Variants in LAMA2 observed in about 807,000 individuals in gnomAD.
The protein encoded by LAMA2 is laminin subunit alpha-2.
In LAMA2, 269 loss-of-function variants were observed where a neutral mutation model predicts 364.8. The observed-to-expected ratio is 0.74, with a 90% CI of 0.67 to 0.82. The LOEUF is 0.82. Ranked by LOEUF, LAMA2 falls within the 40% of genes least tolerant of loss-of-function variation. The pLI, the probability that LAMA2 is intolerant of heterozygous loss-of-function variation, is 0.00. For synonymous variants in LAMA2, 1,379 were observed against 1,370.6 expected (o/e 1.01, Z -0.14); for missense variants, 3,807 against 3,873.2 (o/e 0.98, Z 0.45).
chr6:128,920,829 T>C (rs901926727), intron 1 of LAMA2, among the ~76,000 whole-genome samples: 5 of 151,904 alleles, frequency 3.3e-5, no homozygotes, highest in African/African-American at 1.2e-4. Flanking sequence ...CTTTTTATGT[T>C]GAGAAAGGGA....
At chr6:129,367,883 C>T (rs567397309) in intron 33 of LAMA2, among the ~76,000 whole-genome samples, 2 of 152,320 alleles carry the variant, frequency 1.3e-5, no homozygotes, top group South Asian at 4.1e-4. Flanking sequence ...AAGTCTGTCA[C>T]AGTCCATTGG....
chr6:129,250,035 G>A (rs146612173), intron 12 of LAMA2, 77 bp from the exon 13 acceptor site: 111 of 894,170 alleles, frequency 1.2e-4, no homozygotes, highest in Admixed American at 8.9e-4. Flanking sequence ...AATAAAATTC[G>A]TATACAACAG....
At position 129,492,305 on chromosome 6, in the gene LAMA2, A is replaced by G. The variant is rs1784910721; in HGVS notation, c.8076-10A>G. On this transcript the variant is annotated splice_polypyrimidine_tract_variant and intron_variant, in intron 57 of 64. Transcript: ENST00000421865. Reference sequence around the variant, plus strand: ...AAAATAAAAAAATCTTATTTATTACATTCTATTAGCCCCATGGACTTTGCA... The same window carrying G: ...AAAATAAAAAAATCTTATTTATTACGTTCTATTAGCCCCATGGACTTTGCA... 1.9e-6 allele frequency: 3 copies of G among 1,612,846 alleles called. No homozygotes were observed. Among genetic ancestry groups the G allele is most frequent in the Admixed American group, 3.3e-5 (2 of 59,984 alleles).
intron 1 of LAMA2, among the ~76,000 whole-genome samples, chr6:128,912,925 G>A (rs1280427410): frequency 1.3e-5 from 2 of 152,166 alleles, no homozygotes; most frequent in African/African-American, 4.8e-5. Context: ...TCAGGAGGAG[G>A]GAATGGTGGG....
intron 12 of LAMA2, among the ~76,000 whole-genome samples, chr6:129,243,697 G>A (rs147387610): frequency 1.2e-3 from 188 of 151,820 alleles, no homozygotes; most frequent in African/African-American, 4.3e-3. Context: ...TATCTTATCA[G>A]GTTAAACTGA....
At chr6:128,905,926 T>A (rs1777432396) in intron 1 of LAMA2, among the ~76,000 whole-genome samples, 2 of 152,042 alleles carry the variant, frequency 1.3e-5, no homozygotes, top group Non-Finnish European at 2.9e-5. Flanking sequence ...AGAATGATGA[T>A]TTCCAATTTC....
intron 1 of LAMA2, among the ~76,000 whole-genome samples, chr6:128,980,193 A>T (rs912363922): frequency 2.0e-5 from 3 of 152,222 alleles, no homozygotes; most frequent in Non-Finnish European, 1.5e-5. Flanking sequence ...TATTAGAACA[A>T]TGCAAGAGAA....
At chr6:128,952,992 T>C (rs1458903310) in intron 1 of LAMA2, among the ~76,000 whole-genome samples, 1 of 152,176 alleles carries the variant, frequency 6.6e-6, no homozygotes, top group Non-Finnish European at 1.5e-5. Context: ...GCTACAGGTT[T>C]AGGACCTGGT....
intron 5 of LAMA2, among the ~76,000 whole-genome samples, chr6:129,145,840 T>G (rs1778401624): frequency 6.6e-6 from 1 of 151,958 alleles, no homozygotes; most frequent in Non-Finnish European, 1.5e-5. Context: ...TTAAAATAGA[T>G]TTCCCAGTTT....
intron 10 of LAMA2, among the ~76,000 whole-genome samples, chr6:129,178,168 C>G (rs1780727010): frequency 1.3e-5 from 2 of 152,178 alleles, no homozygotes; most frequent in Non-Finnish European, 2.9e-5. Context: ...CTAGAAATAG[C>G]AACCCTTTAA....
At position 129,048,481 on chromosome 6, in the gene LAMA2, TTTCTTTCTTTCTTTCCTTCCTTCCTTCC is replaced by T. The variant is rs1465997331; in HGVS notation, c.113-1433_113-1406del. ...CTTTCTTTCTTTCTTTCTTTCTTTC[TTTCTTTCTTTCTTTCCTTCCTTCCTTCC>T]TTCCTTCCTTCCTTCCTTCCTTCCT... On this transcript the variant is annotated intron_variant, in intron 1 of 64. Coordinates refer to ENST00000421865, the MANE Select transcript of LAMA2 (RefSeq NM_000426.4). Among the ~76,000 whole-genome samples, 743 of 76,572 alleles carry T rather than the reference TTTCTTTCTTTCTTTCCTTCCTTCCTTCC, an allele frequency of 9.7e-3. 6 individuals are homozygous for T. The highest frequency in any genetic ancestry group is 0.032 in the Admixed American group (219 of 6,842). The allele number at this position is 76,572 out of a possible 152,430, so 50.2% of individuals were successfully genotyped here.
intron 9 of LAMA2, among the ~76,000 whole-genome samples, chr6:129,172,690 G>T (rs866897501): frequency 3.3e-5 from 5 of 152,354 alleles, no homozygotes; most frequent in Middle Eastern, 6.8e-3. Context: ...TTGAGCTGTG[G>T]TGGGCTCCAC....
rs375609253 is a variant in LAMA2 at position 128,935,368 on chromosome 6, A to G, written c.112+52011A>G. Among the ~76,000 whole-genome samples the G allele has an allele frequency of 2.1e-4, 32 of 152,202 alleles. No homozygotes were observed. In the East Asian group the frequency reaches 2.7e-3, roughly 13 times the overall value. On this transcript the variant is annotated intron_variant, in intron 1 of 64. Transcript: ENST00000421865. ...GCTGAGAATGTTGGTTTCCAGCTTC[A>G]TCCATGTCCCTGCAAAGGACATAAA...
chr6:129,381,085 G>A (rs1003409602), intron 34 of LAMA2, among the ~76,000 whole-genome samples: 4 of 152,118 alleles, frequency 2.6e-5, no homozygotes, highest in African/African-American at 9.7e-5. Flanking sequence ...TGGTAATACA[G>A]AAAATATATT....
intron 55 of LAMA2, among the ~76,000 whole-genome samples, chr6:129,483,980 T>C (rs1784476141): frequency 6.6e-6 from 1 of 152,126 alleles, no homozygotes; most frequent in Non-Finnish European, 1.5e-5. Context: ...TAAATTAAAG[T>C]CTTAAATATG....
At chr6:129,180,466 G>GT (rs201622431) in intron 10 of LAMA2, among the ~76,000 whole-genome samples, 82 of 151,310 alleles carry the variant, frequency 5.4e-4, no homozygotes, top group Admixed American at 1.3e-3. Flanking sequence ...TTTTTAAATA[G>GT]TTTTTTTTTA....
intron 40 of LAMA2, among the ~76,000 whole-genome samples, chr6:129,420,702 G>A (rs1474751154): frequency 6.6e-6 from 1 of 152,064 alleles, no homozygotes; most frequent in Non-Finnish European, 1.5e-5. Context: ...GTAATTTGGG[G>A]AACATTTAGG....
chr6:129,498,081 A>G (rs921342281), intron 58 of LAMA2, among the ~76,000 whole-genome samples: 2 of 152,214 alleles, frequency 1.3e-5, no homozygotes, highest in Admixed American at 1.3e-4. Flanking sequence ...CACTGTTTAG[A>G]CCAAGTCTTT....
intron 4 of LAMA2, among the ~76,000 whole-genome samples, chr6:129,105,198 A>G (rs1370774373): frequency 1.3e-5 from 2 of 152,126 alleles, no homozygotes; most frequent in Non-Finnish European, 2.9e-5. Context: ...AGGGGCCTCC[A>G]TTACTTTGAG....
Sources: gnomAD v4.1 joint callset for allele counts (sites outside exome capture counted in the v4.1 genomes callset) on GRCh38, gnomAD v4.1.1 for gene constraint, MANE v1.5 for transcripts, NCBI Gene and HGNC (gene_info 2026-07-23, HGNC 2026-07-21) for gene names.